Variants in PRKN observed in about 807,000 individuals in gnomAD.
PRKN encodes the protein parkin RBR E3 ubiquitin protein ligase.
A neutral mutation model predicts 59.5 loss-of-function variants in PRKN; 56 were observed. That is an observed-to-expected ratio of 0.94 (90% confidence interval 0.76 to 1.18). The LOEUF (loss-of-function observed/expected upper bound fraction) is 1.18, where lower values mean the gene tolerates loss of function less well. PRKN is among the 50% of genes most tolerant of loss of function. The probability of loss-of-function intolerance (pLI) is 0.00; values close to 1 mark genes in which losing one functional copy is unlikely to be tolerated. For synonymous variants in PRKN, 250 were observed against 222.1 expected (o/e 1.13, Z -1.12); for missense variants, 657 against 596.4 (o/e 1.10, Z -1.06).
chr6:162,280,165 T>C (rs1223431782), intron 2 of PRKN, among the ~76,000 whole-genome samples: 1 of 152,118 alleles, frequency 6.6e-6, no homozygotes, highest in African/African-American at 2.4e-5. Flanking sequence ...TTTAAGCCAT[T>C]TACAATTAAG....
intron 9 of PRKN, among the ~76,000 whole-genome samples, chr6:161,432,427 A>T (rs1788690528): frequency 7.4e-6 from 1 of 134,840 alleles, no homozygotes; most frequent in African/African-American, 2.9e-5. Context: ...TAATGGCGCC[A>T]TCTTGGCTCA....
intron 6 of PRKN, among the ~76,000 whole-genome samples, chr6:161,890,361 A>G (rs9355951): frequency 0.6 from 90,496 of 152,028 alleles, 28,549 homozygotes; most frequent in African/African-American, 0.81. Flanking sequence ...TTCAGTGTAC[A>G]GCAGCCCTGG....
At chr6:162,123,298 T>C (rs1304073244) in intron 4 of PRKN, among the ~76,000 whole-genome samples, 2 of 152,066 alleles carry the variant, frequency 1.3e-5, no homozygotes, top group East Asian at 1.9e-4. Context: ...GGAATGAAGA[T>C]TTGGGTCACA....
At chr6:162,556,420 CTTCT>C (rs1779602594) in intron 1 of PRKN, among the ~76,000 whole-genome samples, 2 of 122,664 alleles carry the variant, frequency 1.6e-5, no homozygotes, top group Non-Finnish European at 3.3e-5. Context: ...TGGCAGACGC[CTTCT>C]TTTTTTTTCC....
chr6:161,552,723 C>CCAT lies in PRKN; in HGVS notation c.934-3723_934-3721dup, dbSNP rs1463479720. Among the ~76,000 whole-genome samples the CCAT allele has an allele frequency of 3.3e-5, 5 of 152,118 alleles. No individual in the cohort carries two copies. In the East Asian group the frequency reaches 9.7e-4, roughly 29 times the overall value. ...CTTTACCAGGTCCGCCTGAAGCCCTCCATGTATCTATTCTCATCACAACAC... is the reference window on the plus strand; with the variant it reads ...CTTTACCAGGTCCGCCTGAAGCCCTCCATCATGTATCTATTCTCATCACAACAC... On this transcript the variant is annotated intron_variant, in intron 8 of 11. Coordinates refer to ENST00000366898, the MANE Select transcript of PRKN (RefSeq NM_004562.3). This position sits in a 1 kb window ranked among gnomAD's most constrained non-coding sequence, Gnocchi z 4.9.
rs376212735 is a variant in PRKN, at chr6:161,767,156, A to G, written c.871+18616T>C. 8.5e-5 allele frequency among the ~76,000 whole-genome samples: 13 copies of G among 152,334 alleles called. No individual in the cohort carries two copies. In the South Asian group the frequency reaches 2.7e-3, roughly 32 times the overall value. The stretch of plus-strand genomic sequence containing the variant: ...ATCTAATTTGAAGAACAAGTTAGCT[A>G]ATGAGTGCATCTTGCTGTAGGTCCA... On this transcript the variant is annotated intron_variant, in intron 7 of 11. Transcript: ENST00000366898.
intron 2 of PRKN, among the ~76,000 whole-genome samples, chr6:162,331,863 T>C (rs1050029469): frequency 6.6e-6 from 1 of 152,180 alleles, no homozygotes. Context: ...GTATGGAATA[T>C]GTGTTCCCCT....
intron 7 of PRKN, among the ~76,000 whole-genome samples, chr6:161,753,706 C>CG (rs1554300829): frequency 6.6e-6 from 1 of 151,958 alleles, no homozygotes; most frequent in Admixed American, 6.6e-5. Flanking sequence ...CCAATGGGGG[C>CG]GGGGGGGCTC....
intron 4 of PRKN, among the ~76,000 whole-genome samples, chr6:162,200,611 C>G (rs1052803917): frequency 1.3e-5 from 2 of 152,210 alleles, no homozygotes; most frequent in African/African-American, 4.8e-5. Context: ...CCACAGCAGA[C>G]TTCAGTTGAC....
chr6:161,606,711 T>G (rs186119652), intron 7 of PRKN, among the ~76,000 whole-genome samples: 1 of 152,164 alleles, frequency 6.6e-6, no homozygotes, highest in Non-Finnish European at 1.5e-5. Flanking sequence ...GCCATTTAGG[T>G]GCAGCACCAC....
chr6:162,485,037 G>T (rs572966438), intron 1 of PRKN, among the ~76,000 whole-genome samples: 66 of 152,216 alleles, frequency 4.3e-4, no homozygotes, highest in African/African-American at 1.6e-3. Context: ...AATTATTAAT[G>T]TGAATGTAAA....
intron 3 of PRKN, among the ~76,000 whole-genome samples, chr6:162,208,249 C>T (rs1174839668): frequency 6.6e-6 from 1 of 152,102 alleles, no homozygotes; most frequent in Non-Finnish European, 1.5e-5. Context: ...TTTTAACGAG[C>T]CATAAACTTA....
rs1157715465 is a variant in PRKN at position 162,221,393 on chromosome 6, C to T, written c.413-20141G>A. Among the ~76,000 whole-genome samples, 4 of 152,264 alleles carry T rather than the reference C, an allele frequency of 2.6e-5. No individual in the cohort carries two copies. In the East Asian group the frequency reaches 7.7e-4, roughly 29 times the overall value. Reference sequence around the variant, plus strand: ...TGGCTGATGAATGAAATTTACTGGACTATGAACAGTAATAAGATATTCCTG... The same window carrying T: ...TGGCTGATGAATGAAATTTACTGGATTATGAACAGTAATAAGATATTCCTG... On this transcript the variant is annotated intron_variant, in intron 3 of 11. Transcript: ENST00000366898.
At chr6:161,960,687 G>A (rs1290545037) in intron 6 of PRKN, among the ~76,000 whole-genome samples, 7 of 152,190 alleles carry the variant, frequency 4.6e-5, no homozygotes, top group Admixed American at 4.6e-4. Context: ...AAGGGTCAGT[G>A]CTGCAATGAT....
rs943454385 is a variant in PRKN, at chr6:161,456,680, C to G, written c.1084-69803G>C. On this transcript the variant is annotated intron_variant, in intron 9 of 11. Transcript: ENST00000366898. The surrounding 1 kb of genome is among the most constrained non-coding windows in gnomAD (Gnocchi z 4.8). ...AATAAAGAGGATCAAGGACAGGGCA[C>G]TGAACTGTACCAAAAGAAAGCTGCT... Among the ~76,000 whole-genome samples, 4 of 152,182 alleles carry G rather than the reference C, an allele frequency of 2.6e-5. No individual in the cohort carries two copies. The highest frequency in any genetic ancestry group is 9.7e-5 in the African/African-American group (4 of 41,450).
At chr6:161,993,625 G>A (rs1364516447) in intron 5 of PRKN, among the ~76,000 whole-genome samples, 1 of 152,188 alleles carries the variant, frequency 6.6e-6, no homozygotes, top group Non-Finnish European at 1.5e-5. Flanking sequence ...ACCAAAACCA[G>A]ATAAGGATAC....
chr6:162,571,182 G>A (rs1243344991), intron 1 of PRKN: 1 of 156,902 alleles, frequency 6.4e-6, no homozygotes, highest in Admixed American at 6.4e-5. Context: ...AAAATTAGAT[G>A]GGCGTGGTGG....
chr6:162,672,006 A>C (rs909334112), intron 1 of PRKN, among the ~76,000 whole-genome samples: 1 of 152,014 alleles, frequency 6.6e-6, no homozygotes, highest in Non-Finnish European at 1.5e-5. Flanking sequence ...AGTGGTGCCC[A>C]TGAAGTAAAG....
At chr6:161,805,359 C>T (rs1432883061) in intron 6 of PRKN, among the ~76,000 whole-genome samples, 1 of 152,114 alleles carries the variant, frequency 6.6e-6, no homozygotes, top group African/African-American at 2.4e-5. Context: ...ACCCTCATCA[C>T]ATCTGGAAGC....
Sources: gnomAD v4.1 joint callset for allele counts (sites outside exome capture counted in the v4.1 genomes callset) on GRCh38, gnomAD v4.1.1 for gene constraint, Gnocchi (gnomAD v3.1) non-coding constraint, MANE v1.5 for transcripts, NCBI Gene and HGNC (gene_info 2026-07-23, HGNC 2026-07-21) for gene names.